Variants in LRRTM4 observed in about 807,000 individuals in gnomAD.
LRRTM4 encodes leucine-rich repeat transmembrane neuronal protein 4.
A neutral mutation model predicts 47.6 loss-of-function variants in LRRTM4; 25 were observed. The observed-to-expected ratio is 0.53, with a 90% CI of 0.38 to 0.73. The LOEUF is 0.73. Among genes scored for constraint, LRRTM4 ranks in the 30% least tolerant of loss-of-function variants. The pLI is 0.00. For missense variants in LRRTM4, 638 were observed against 713.4 expected (o/e 0.89, Z 1.20); for synonymous variants, 311 against 269.5 (o/e 1.15, Z -1.51).
At chr2:77,088,332 T>C (rs1680796720) in intron 3 of LRRTM4, among the ~76,000 whole-genome samples, 2 of 152,254 alleles carry the variant, frequency 1.3e-5, no homozygotes, top group South Asian at 4.1e-4. Flanking sequence ...GAATATGCCC[T>C]GCCCCACCTT....
At chr2:76,977,746 A>G (rs1397044045) in intron 3 of LRRTM4, among the ~76,000 whole-genome samples, 1 of 151,998 alleles carries the variant, frequency 6.6e-6, no homozygotes, top group African/African-American at 2.4e-5. Context: ...TCAACTGATG[A>G]TTATTATATT....
At chr2:76,833,078 T>G (rs1671400976) in intron 3 of LRRTM4, among the ~76,000 whole-genome samples, 1 of 152,104 alleles carries the variant, frequency 6.6e-6, no homozygotes, top group Non-Finnish European at 1.5e-5. Flanking sequence ...TGTTAGCTAT[T>G]TACATGGAAC....
At chr2:77,154,946 T>G (rs1302446014) in intron 3 of LRRTM4, among the ~76,000 whole-genome samples, 1 of 152,160 alleles carries the variant, frequency 6.6e-6, no homozygotes, top group Non-Finnish European at 1.5e-5. Flanking sequence ...AATGCTGTCA[T>G]TAGAATTAAA....
At position 77,519,493 on chromosome 2, in the gene LRRTM4, T is replaced by C. The variant is rs761625528; in HGVS notation, c.376A>G (p.Asn126Asp). Reference protein sequence around the residue: ...LSSNKITYLHNKTFHPVPNLR... With the variant: ...LSSNKITYLHDKTFHPVPNLR... Reference sequence around the variant, plus strand: ...TTGGGAACTGGGTGAAATGTTTTATTGTGCAGATAAGTAATTTTGTTGGAG... The same window carrying C: ...TTGGGAACTGGGTGAAATGTTTTATCGTGCAGATAAGTAATTTTGTTGGAG... The change falls in exon 3 of 4, where the codon AAT becomes GAT. Residue 126 changes from asparagine to aspartate, a missense_variant. Physicochemically the swap from Asn to Asp is conservative, Grantham distance 23 (BLOSUM62 1). Transcript: ENST00000409884. This position sits in a 1 kb window ranked among gnomAD's most constrained non-coding sequence, Gnocchi z 4.6. 52 of 1,613,448 alleles carry C rather than the reference T, an allele frequency of 3.2e-5. No homozygotes were observed. In the East Asian group the frequency reaches 1.1e-3, roughly 34 times the overall value.
chr2:77,001,630 A>T (rs1677433666), intron 3 of LRRTM4, among the ~76,000 whole-genome samples: 1 of 152,106 alleles, frequency 6.6e-6, no homozygotes, highest in South Asian at 2.1e-4. Context: ...ACTTTTCTAT[A>T]TCTACATTCA....
At chr2:77,260,582 A>C (rs928902043) in intron 3 of LRRTM4, among the ~76,000 whole-genome samples, 1 of 152,104 alleles carries the variant, frequency 6.6e-6, no homozygotes, top group Non-Finnish European at 1.5e-5. Flanking sequence ...CTAATTTGCC[A>C]TCATTTAGTT....
At chr2:77,400,379 T>C (rs769726148) in intron 3 of LRRTM4, among the ~76,000 whole-genome samples, 1 of 151,822 alleles carries the variant, frequency 6.6e-6, no homozygotes, top group Non-Finnish European at 1.5e-5. Flanking sequence ...ATTGATTTCT[T>C]TATTTCTCTT....
chr2:77,429,319 C>T (rs1187140514), intron 3 of LRRTM4, among the ~76,000 whole-genome samples: 2 of 152,084 alleles, frequency 1.3e-5, no homozygotes, highest in Admixed American at 6.6e-5. Context: ...ACAATATGCA[C>T]TTTCATTCAA....
chr2:77,277,671 A>T (rs368263457), intron 3 of LRRTM4, among the ~76,000 whole-genome samples: 1 of 152,136 alleles, frequency 6.6e-6, no homozygotes, highest in Admixed American at 6.6e-5. Context: ...TTCTCCGTTC[A>T]TATGTAAAAG....
At chr2:77,346,740 T>C (rs1033038450) in intron 3 of LRRTM4, among the ~76,000 whole-genome samples, 1 of 151,942 alleles carries the variant, frequency 6.6e-6, no homozygotes. Flanking sequence ...AGAATAGGGG[T>C]TTCATTAAGT....
intron 3 of LRRTM4, among the ~76,000 whole-genome samples, chr2:77,391,279 T>C (rs1335303226): frequency 6.6e-6 from 1 of 152,020 alleles, no homozygotes; most frequent in South Asian, 2.1e-4. Context: ...TTTGCACAAA[T>C]GGTCTCTGGA....
At chr2:77,315,032 A>C (rs1047630631) in intron 3 of LRRTM4, among the ~76,000 whole-genome samples, 1 of 152,196 alleles carries the variant, frequency 6.6e-6, no homozygotes, top group African/African-American at 2.4e-5. Flanking sequence ...TCAGTAGGTT[A>C]GGTGTACTAA....
At chr2:76,935,840 C>T (rs1674927668) in intron 3 of LRRTM4, among the ~76,000 whole-genome samples, 2 of 152,080 alleles carry the variant, frequency 1.3e-5, no homozygotes, top group African/African-American at 4.8e-5. Context: ...TATTTCTCTC[C>T]CTTGCCTGAA....
intron 3 of LRRTM4, among the ~76,000 whole-genome samples, chr2:77,070,409 T>C (rs1558561945): frequency 6.6e-6 from 1 of 152,056 alleles, no homozygotes; most frequent in Non-Finnish European, 1.5e-5. Flanking sequence ...TCACTCTCTC[T>C]ATATATATAT....
intron 3 of LRRTM4, among the ~76,000 whole-genome samples, chr2:77,455,529 G>T (rs1676497906): frequency 6.6e-6 from 1 of 152,026 alleles, no homozygotes; most frequent in Non-Finnish European, 1.5e-5. Flanking sequence ...CCAGCCTAAA[G>T]AGGGGTACAT....
At position 77,521,734 on chromosome 2, in the gene LRRTM4, G is replaced by A. The variant is rs1679510825; in HGVS notation, c.-63C>T. ...TTTCTTCTTATTTGGTCTCTTGTGC[G>A]GAAACCACCACCACCTTCATGACAC... On this transcript the variant is annotated 5_prime_UTR_variant, in exon 2 of 4. Coordinates refer to ENST00000409884, the MANE Select transcript of LRRTM4 (RefSeq NM_001134745.3). 18 of 1,590,148 alleles carry A rather than the reference G, an allele frequency of 1.1e-5. No individual in the cohort carries two copies. The highest frequency in any genetic ancestry group is 1.1e-5 in the South Asian group (1 of 90,502).
At chr2:76,894,909 T>G (rs1416824727) in intron 3 of LRRTM4, among the ~76,000 whole-genome samples, 10 of 151,514 alleles carry the variant, frequency 6.6e-5, no homozygotes, top group African/African-American at 1.9e-4. Flanking sequence ...ATAGCTATAC[T>G]AGATACAACT....
At chr2:77,289,776 A>G (rs915464484) in intron 3 of LRRTM4, among the ~76,000 whole-genome samples, 4 of 152,042 alleles carry the variant, frequency 2.6e-5, no homozygotes, top group African/African-American at 9.7e-5. Context: ...CTCAATGTTT[A>G]AAACTTCTGA....
intron 3 of LRRTM4, among the ~76,000 whole-genome samples, chr2:76,997,192 G>A (rs1176594817): frequency 6.6e-6 from 1 of 152,012 alleles, no homozygotes; most frequent in African/African-American, 2.4e-5. Context: ...AATCAAATGG[G>A]CTTCAAATAT....
Sources: allele counts gnomAD v4.1 joint callset (sites outside exome capture counted in the v4.1 genomes callset), GRCh38; gene constraint gnomAD v4.1.1; non-coding constraint Gnocchi (gnomAD v3.1); transcripts MANE v1.5; gene names NCBI Gene and HGNC (gene_info 2026-07-23, HGNC 2026-07-21).